The following CYP2C19 variants were observed in gnomAD, a reference collection of about 807,000 sequenced individuals.
CYP2C19 encodes cytochrome P450 family 2 subfamily C member 19.
A neutral mutation model predicts 40.9 loss-of-function variants in CYP2C19; 59 were observed. That is an observed-to-expected ratio of 1.44 (90% CI 1.17 to 1.79). CYP2C19 has a LOEUF of 1.79. CYP2C19 is among the 40% of genes most tolerant of loss of function. The probability of loss-of-function intolerance (pLI) is 0.00; values close to 1 mark genes in which losing one functional copy is unlikely to be tolerated. For synonymous variants in CYP2C19, 253 were observed against 208.7 expected (o/e 1.21, Z -1.83); for missense variants, 754 against 596.9 (o/e 1.26, Z -2.74).
At chr10:94,809,943 A>C (rs534942979) in intron 5 of CYP2C19, among the ~76,000 whole-genome samples, 1 of 152,040 alleles carries the variant, frequency 6.6e-6, no homozygotes, top group Non-Finnish European at 1.5e-5. Context: ...GTGCAGTGGC[A>C]TTATCTCAGC....
intron 1 of CYP2C19, among the ~76,000 whole-genome samples, chr10:94,766,038 T>A (rs988971828): frequency 1.3e-5 from 2 of 152,166 alleles, no homozygotes; most frequent in Admixed American, 1.3e-4. Context: ...GTTAGGGTAT[T>A]CTTGGTCCTA....
chr10:94,810,684 A>G (rs1438020145), intron 5 of CYP2C19, among the ~76,000 whole-genome samples: 3 of 152,090 alleles, frequency 2.0e-5, no homozygotes, highest in Non-Finnish European at 2.9e-5. Flanking sequence ...AGAGGTGTTT[A>G]TAGTATTCTC....
chr10:94,786,316 C>T (rs1019935473), intron 5 of CYP2C19, among the ~76,000 whole-genome samples: 4 of 152,002 alleles, frequency 2.6e-5, no homozygotes, highest in Admixed American at 2.0e-4. Flanking sequence ...ATTTTTAGAT[C>T]ACTTTGAGGA....
Position 94,832,840 on chromosome 10 carries a change from G to C in CYP2C19, c.962-9997G>C, listed in dbSNP as rs549380824. ...TGATGGGGATTTTATTGAATCTGTG[G>C]ATTGTTTTGATAGTATGGACATTTT... On this transcript the variant is annotated intron_variant, in intron 6 of 8. Coordinates refer to ENST00000371321, the MANE Select transcript of CYP2C19 (RefSeq NM_000769.4). 1.7e-4 allele frequency among the ~76,000 whole-genome samples: 26 copies of C among 152,084 alleles called. 1 individual carries two copies. In the South Asian group the frequency reaches 4.6e-3, roughly 27 times the overall value.
At chr10:94,786,407 T>TC (rs1295217812) in intron 5 of CYP2C19, among the ~76,000 whole-genome samples, 2 of 152,140 alleles carry the variant, frequency 1.3e-5, no homozygotes, top group Non-Finnish European at 2.9e-5. Context: ...TTAGATATTC[T>TC]TTTTTCCTCT....
rs770829708 is a variant in CYP2C19 at position 94,842,896 on chromosome 10, G to A, written c.1021G>A (p.Asp341Asn). The A allele has an allele frequency of 1.4e-5, 22 of 1,613,778 alleles. No individual in the cohort carries two copies. The highest frequency in any genetic ancestry group is 1.6e-4 in the Middle Eastern group (1 of 6,084). ...CAGAAACCGGAGCCCCTGCATGCAG[G>A]ACAGGGGCCACATGCCCTACACAGA... ...IGRNRSPCMQDRGHMPYTDAV... is the reference protein window; with the variant it reads ...IGRNRSPCMQNRGHMPYTDAV... Residue 341 changes from aspartate to asparagine, a missense_variant, in exon 7 of 9, where the codon GAC becomes AAC. Transcript: ENST00000371321.
chr10:94,840,877 C>T (rs571784185), intron 6 of CYP2C19, among the ~76,000 whole-genome samples: 6 of 152,302 alleles, frequency 3.9e-5, no homozygotes, highest in East Asian at 1.9e-4. Flanking sequence ...CTGGTGGCCA[C>T]GCTAATCATT....
At chr10:94,791,885 C>A (rs534760809) in intron 5 of CYP2C19, among the ~76,000 whole-genome samples, 203 of 152,256 alleles carry the variant, frequency 1.3e-3, no homozygotes, top group African/African-American at 4.2e-3. Context: ...ATTAGGTCCA[C>A]TTGGTGCAGA....
intron 6 of CYP2C19, among the ~76,000 whole-genome samples, chr10:94,837,476 T>G (rs1849422494): frequency 6.6e-6 from 1 of 152,158 alleles, no homozygotes; most frequent in Non-Finnish European, 1.5e-5. Flanking sequence ...TCTCCTATGT[T>G]CAGGTGTATA....
intron 5 of CYP2C19, among the ~76,000 whole-genome samples, chr10:94,783,685 A>G (rs980264439): frequency 6.6e-6 from 1 of 152,162 alleles, no homozygotes; most frequent in African/African-American, 2.4e-5. Flanking sequence ...CACCATCTTG[A>G]AGTCTTAATT....
At chr10:94,776,034 C>G (rs1224722169) in intron 3 of CYP2C19, 1 of 163,856 alleles carries the variant, frequency 6.1e-6, no homozygotes, top group African/African-American at 2.4e-5. Flanking sequence ...TCTTTTAGGC[C>G]CATGCTTGCC....
intron 3 of CYP2C19, among the ~76,000 whole-genome samples, chr10:94,779,259 G>A (rs527785562): frequency 9.2e-4 from 140 of 152,158 alleles, no homozygotes; most frequent in African/African-American, 2.7e-3. Flanking sequence ...TTCTGCACAC[G>A]TGTCCCAGAA....
intron 5 of CYP2C19, among the ~76,000 whole-genome samples, chr10:94,814,587 G>T (rs1848972995): frequency 6.6e-6 from 1 of 151,720 alleles, no homozygotes. Context: ...CAATAATTTT[G>T]GGTGCCTCAG....
At chr10:94,805,824 A>G (rs891239919) in intron 5 of CYP2C19, among the ~76,000 whole-genome samples, 12 of 152,234 alleles carry the variant, frequency 7.9e-5, no homozygotes, top group Non-Finnish European at 1.8e-4. Flanking sequence ...GTAACACAAG[A>G]TGGGCCTTAT....
intron 6 of CYP2C19, among the ~76,000 whole-genome samples, chr10:94,838,866 T>C (rs1849446490): frequency 6.6e-6 from 1 of 152,168 alleles, no homozygotes; most frequent in Non-Finnish European, 1.5e-5. Context: ...TATACTTCCC[T>C]CAGGAGGCCA....
chr10:94,820,664 G>C lies in CYP2C19; in HGVS notation c.961+27G>C, dbSNP rs760141014. 4.3e-6 allele frequency: 7 copies of C among 1,613,940 alleles called. No homozygotes were observed. The South Asian group carries it at 7.7e-5, about 18-fold the overall frequency. On this transcript the variant is annotated intron_variant, in intron 6 of 8. Transcript: ENST00000371321. ...TATGATCACAGAGGATGAGTTAATT[G>C]AGTTTTAGGAAAGATGTTGGGAAGG...
At chr10:94,817,806 G>A (rs1433762885) in intron 5 of CYP2C19, among the ~76,000 whole-genome samples, 3 of 151,964 alleles carry the variant, frequency 2.0e-5, no homozygotes, top group Admixed American at 6.6e-5. Flanking sequence ...GAGGTCAGGA[G>A]ATCGAGACCA....
chr10:94,809,533 C>A (rs900944450), intron 5 of CYP2C19, among the ~76,000 whole-genome samples: 2 of 151,996 alleles, frequency 1.3e-5, no homozygotes, highest in African/African-American at 4.8e-5. Flanking sequence ...TTTCTCTCTT[C>A]CTGTTTGAAT....
chr10:94,822,698 A>G (rs1378149235), intron 6 of CYP2C19, among the ~76,000 whole-genome samples: 1 of 152,174 alleles, frequency 6.6e-6, no homozygotes, highest in Non-Finnish European at 1.5e-5. Context: ...AGCAGTGTAA[A>G]AGCATTTTCT....
Sources: gnomAD v4.1 joint callset for allele counts (sites outside exome capture counted in the v4.1 genomes callset) on GRCh38, gnomAD v4.1.1 for gene constraint, MANE v1.5 for transcripts, NCBI Gene and HGNC (gene_info 2026-07-23, HGNC 2026-07-21) for gene names.